Variants in MID1 observed in about 807,000 individuals in gnomAD.
MID1 encodes the protein midline 1, also known as E3 ubiquitin-protein ligase Midline-1.
MID1 carries 7 observed loss-of-function variants against 40.4 expected under a neutral mutation model. The observed-to-expected ratio is 0.17, with a 90% CI of 0.10 to 0.33. MID1 has a LOEUF of 0.33. Ranked by LOEUF, MID1 falls within the 10% of genes least tolerant of loss-of-function variation. MID1 has a pLI of 1.00. For missense variants in MID1, 367 were observed against 558.5 expected, an observed-to-expected ratio of 0.66 and a Z score of 3.46; for synonymous variants, 229 against 221.2, an observed-to-expected ratio of 1.04 and a Z score of -0.31.
At chrX:10,809,227 G>A (rs1348680552) in intron 1 of MID1, among the ~76,000 whole-genome samples, 2 of 111,882 alleles carry the variant, frequency 1.8e-5, no homozygotes, top group Admixed American at 9.5e-5. Context: ...ACCACAATGA[G>A]ATACCATCTC....
At chrX:10,672,149 C>T (rs1210436324) in intron 1 of MID1, among the ~76,000 whole-genome samples, 1 of 109,598 alleles carries the variant, frequency 9.1e-6, no homozygotes. Flanking sequence ...CACTTGACCA[C>T]AGGAAGTTGA....
intron 1 of MID1, among the ~76,000 whole-genome samples, chrX:10,762,755 G>A (rs1191398826): frequency 1.8e-5 from 2 of 111,392 alleles, no homozygotes; most frequent in African/African-American, 6.5e-5. Context: ...AAGTTCTTTT[G>A]AAGGAAAATC....
intron 1 of MID1, among the ~76,000 whole-genome samples, chrX:10,658,283 A>T (rs2042888588): frequency 9.2e-6 from 1 of 109,161 alleles, no homozygotes; most frequent in Non-Finnish European, 1.9e-5. Context: ...GAAAGGAAGG[A>T]TAAGGAATCA....
intron 1 of MID1, chrX:10,576,827 G>A (rs1233207707): frequency 9.0e-6 from 1 of 110,709 alleles, no homozygotes; most frequent in Non-Finnish European, 1.9e-5. Context: ...CATCGCCGTA[G>A]GCAGAGGATG....
At position 10,702,107 on chromosome X, in the gene MID1, A is replaced by G. The variant is rs745328405; in HGVS notation, c.-186-81688T>C. Reference sequence around the variant, plus strand: ...AAAGAATATTTCTATCTTAAGGAAAAAGTGTCTAATTCCCAACTGCACAGA... The same window carrying G: ...AAAGAATATTTCTATCTTAAGGAAAGAGTGTCTAATTCCCAACTGCACAGA... On this transcript the variant is annotated intron_variant, in intron 1 of 10. Transcript: ENST00000380785. Among the ~76,000 whole-genome samples the G allele has an allele frequency of 2.7e-5, 3 of 112,948 alleles. No individual in the cohort carries two copies. The South Asian group carries it at 1.1e-3, about 41-fold the overall frequency.
intron 1 of MID1, among the ~76,000 whole-genome samples, chrX:10,579,502 G>A (rs1414904230): frequency 8.9e-6 from 1 of 111,879 alleles, no homozygotes; most frequent in Non-Finnish European, 1.9e-5. Flanking sequence ...CTAGTCTCGT[G>A]ACTCATGGAG....
chrX:10,611,961 T>G (rs889244544), intron 1 of MID1, among the ~76,000 whole-genome samples: 1 of 111,810 alleles, frequency 8.9e-6, no homozygotes, highest in African/African-American at 3.2e-5. Flanking sequence ...ATTTTTACCA[T>G]GTAGGCTGTG....
chrX:10,765,922 AGAAAGGAAAG>A (rs1206063913), intron 1 of MID1, among the ~76,000 whole-genome samples: 1,165 of 97,742 alleles, frequency 0.012, 45 homozygotes, highest in African/African-American at 0.047. Flanking sequence ...AAAGAAAGAA[AGAAAGGAAAG>A]GAAAGGAAAG....
rs1185825614 is a variant in MID1, at chrX:10,510,830, C to CAAA, written c.756+12259_756+12261dup. On this transcript the variant is annotated intron_variant, in intron 3 of 9. Coordinates refer to ENST00000317552, the MANE Select transcript of MID1 (RefSeq NM_000381.4). Reference sequence around the variant, plus strand: ...CTGGCAACAGAGCAAGACTCTGTCTCAAAAAAAAAAAAAAAAAAAAAAAAG... The same window carrying CAAA: ...CTGGCAACAGAGCAAGACTCTGTCTCAAAAAAAAAAAAAAAAAAAAAAAAAAAG... 2.5e-4 allele frequency among the ~76,000 whole-genome samples: 6 copies of CAAA among 23,938 alleles called. 1 individual carries two copies. The highest frequency in any genetic ancestry group is 6.2e-4 in the African/African-American group (4 of 6,476). 20.8% of individuals were successfully genotyped at this position (23,938 alleles called of 115,157 possible). A position where few individuals can be genotyped will look rare whatever the true frequency, so the allele number is the denominator to read the frequency against.
chrX:10,611,639 C>T (rs1935738988), intron 1 of MID1, among the ~76,000 whole-genome samples: 1 of 111,302 alleles, frequency 9.0e-6, no homozygotes, highest in African/African-American at 3.3e-5. Context: ...AGGGCAGTAG[C>T]TCCGGATCAA....
intron 4 of MID1, among the ~76,000 whole-genome samples, chrX:10,485,966 G>T: frequency 8.9e-6 from 1 of 112,035 alleles, no homozygotes; most frequent in Middle Eastern, 4.7e-3. Flanking sequence ...AGATCTCTGT[G>T]TCTGAACATT....
chrX:10,617,692 G>A (rs1287402871), intron 1 of MID1, among the ~76,000 whole-genome samples: 3 of 111,656 alleles, frequency 2.7e-5, no homozygotes, highest in Non-Finnish European at 3.8e-5. Flanking sequence ...CATGTGGGGA[G>A]GATATATGCA....
chrX:10,542,825 C>T (rs1429372312), intron 2 of MID1, among the ~76,000 whole-genome samples: 3 of 111,721 alleles, frequency 2.7e-5, no homozygotes, highest in Non-Finnish European at 5.6e-5. Context: ...TAGAAGGCAA[C>T]ATCATAATTA....
rs189361233 is a variant in MID1, at chrX:10,540,747, C to A, written c.661-17560G>T. On this transcript the variant is annotated intron_variant, in intron 2 of 9. Coordinates refer to ENST00000317552, the MANE Select transcript of MID1 (RefSeq NM_000381.4). ...TAGACAATTTAGGGCAGAAAAGACT[C>A]ATGAATTCCCTTAAAAGGAAAGCAT... Among the ~76,000 whole-genome samples, 558 of 111,700 alleles carry A rather than the reference C, an allele frequency of 5.0e-3. 1 individual carries two copies. Among genetic ancestry groups the A allele is most frequent in the Non-Finnish European group, 7.9e-3 (422 of 53,137 alleles).
intron 2 of MID1, among the ~76,000 whole-genome samples, chrX:10,542,801 C>A (rs1470971450): frequency 9.0e-6 from 1 of 111,685 alleles, no homozygotes; most frequent in Non-Finnish European, 1.9e-5. Flanking sequence ...AAAGATATGG[C>A]AATCAGGTCA....
rs570650292 is a variant in MID1 at position 10,767,148 on chromosome X, C to T, written c.-187+66406G>A. Among the ~76,000 whole-genome samples the T allele has an allele frequency of 5.0e-4, 56 of 110,939 alleles. No homozygotes were observed. In the South Asian group the frequency reaches 0.018, roughly 35 times the overall value. ...CAATAAATGAATTTCATAGGGCTAA[C>T]TCTTTTGTTTTAAATTTAGAAAGAC... On this transcript the variant is annotated intron_variant, in intron 1 of 10. Transcript: ENST00000380785.
At chrX:10,747,881 A>G (rs1193981211) in intron 1 of MID1, among the ~76,000 whole-genome samples, 1 of 112,477 alleles carries the variant, frequency 8.9e-6, no homozygotes, top group Admixed American at 9.4e-5. Context: ...AATTCCTCAC[A>G]TTATATCTAT....
At chrX:10,708,570 C>T (rs1026448374) in intron 1 of MID1, among the ~76,000 whole-genome samples, 1 of 111,236 alleles carries the variant, frequency 9.0e-6, no homozygotes, top group African/African-American at 3.3e-5. Flanking sequence ...TTAGCTTCTC[C>T]GTAGGCCGCT....
At position 10,816,474 on chromosome X, in the gene MID1, AAATG is replaced by A. The variant is rs1323171022; in HGVS notation, c.-187+17076_-187+17079del. Reference sequence around the variant, plus strand: ...GGTGTCTAATAAATGGTTGTTTAACAAATGAATGGATTGTGTTTTATATTACAGT... The same window carrying A: ...GGTGTCTAATAAATGGTTGTTTAACAAATGGATTGTGTTTTATATTACAGT... On this transcript the variant is annotated intron_variant, in intron 1 of 10. Transcript: ENST00000380785. Among the ~76,000 whole-genome samples, 142 of 112,442 alleles carry A rather than the reference AAATG, an allele frequency of 1.3e-3. 1 individual carries two copies. Among genetic ancestry groups the A allele is most frequent in the African/African-American group, 4.4e-3 (137 of 30,993 alleles).
Sources: gnomAD v4.1 joint callset for allele counts (sites outside exome capture counted in the v4.1 genomes callset) on GRCh38, gnomAD v4.1.1 for gene constraint, MANE v1.5 for transcripts, NCBI Gene and HGNC (gene_info 2026-07-23, HGNC 2026-07-21) for gene names.